The following TRIM16 variants were observed in gnomAD, a reference collection of about 807,000 sequenced individuals.
The protein encoded by TRIM16 is tripartite motif containing 16.
A neutral mutation model predicts 50.4 loss-of-function variants in TRIM16; 33 were observed. The observed-to-expected ratio is 0.65, with a 90% CI of 0.50 to 0.88. The LOEUF is 0.88. Ranked by LOEUF, TRIM16 falls within the 40% of genes least tolerant of loss-of-function variation. TRIM16 has a pLI of 0.00. For missense variants in TRIM16, 581 were observed against 686.8 expected (o/e 0.85, Z 1.72); for synonymous variants, 229 against 270.7 (o/e 0.85, Z 1.51).
At chr17:15,667,710 A>G (rs1988558030) in intron 6 of TRIM16, among the ~76,000 whole-genome samples, 1 of 152,182 alleles carries the variant, frequency 6.6e-6, no homozygotes, top group African/African-American at 2.4e-5. Flanking sequence ...TCTTTTTTAA[A>G]GAGTTCCTAT....
At position 15,640,972 on chromosome 17, in the gene TRIM16, G is replaced by A. The variant is rs1229663372; in HGVS notation, c.615+1749C>T. On this transcript the variant is annotated intron_variant, in intron 8 of 11. Coordinates refer to ENST00000649191, the MANE Select transcript of TRIM16 (RefSeq NM_001348119.1). Reference sequence around the variant, plus strand: ...AGAATCCTGTCTACAATTATGACCTGTAAGTTCCTCATAGAAGCACGATAC... The same window carrying A: ...AGAATCCTGTCTACAATTATGACCTATAAGTTCCTCATAGAAGCACGATAC... Among the ~76,000 whole-genome samples the A allele has an allele frequency of 3.4e-5, 5 of 148,222 alleles. 1 individual carries two copies. Among genetic ancestry groups the A allele is most frequent in the Non-Finnish European group, 7.5e-5 (5 of 67,010 alleles).
intron 7 of TRIM16, among the ~76,000 whole-genome samples, chr17:15,643,959 C>T (rs1009571615): frequency 5.9e-5 from 9 of 151,956 alleles, no homozygotes; most frequent in Non-Finnish European, 1.2e-4. Flanking sequence ...ATAACTAAAA[C>T]GTGTGGGTTT....
intron 7 of TRIM16, 101 bp from the exon 8 acceptor site, chr17:15,642,917 A>G (rs1356307481): frequency 1.5e-5 from 6 of 405,474 alleles, no homozygotes; most frequent in Non-Finnish European, 1.9e-5. Flanking sequence ...CTTCCCTGGA[A>G]AGAAGTTTAA....
At position 15,677,209 on chromosome 17, in the gene TRIM16, G is replaced by C. The variant is rs548831016; in HGVS notation, c.-371C>G. ...CTGCTTCTTGGCACCTCTCCCTCCT[G>C]CATTTGTGTTCGTGGGCTTACCACT... On this transcript the variant is annotated 5_prime_UTR_variant, in exon 6 of 12. Coordinates refer to ENST00000649191, the MANE Select transcript of TRIM16 (RefSeq NM_001348119.1). 1 of 985,374 alleles carries C rather than the reference G, an allele frequency of 1.0e-6. No individual in the cohort carries two copies. Among genetic ancestry groups the C allele is most frequent in the African/African-American group, 1.7e-5 (1 of 57,320 alleles). 61.0% of individuals were successfully genotyped at this position (985,374 alleles called of 1,614,324 possible).
chr17:15,682,593 G>A (rs1171017751), intron 3 of TRIM16, among the ~76,000 whole-genome samples: 1 of 152,216 alleles, frequency 6.6e-6, no homozygotes, highest in Non-Finnish European at 1.5e-5. Context: ...CCCTGGGGAC[G>A]CAGGCCCCAG....
intron 7 of TRIM16, among the ~76,000 whole-genome samples, chr17:15,644,875 G>GC (rs1427261430): frequency 6.6e-6 from 1 of 151,812 alleles, no homozygotes; most frequent in African/African-American, 2.4e-5. Context: ...GAGTGCAATG[G>GC]TGCAATCTTG....
intron 7 of TRIM16, among the ~76,000 whole-genome samples, chr17:15,646,721 T>G (rs187479134): frequency 9.6e-4 from 146 of 151,574 alleles, no homozygotes; most frequent in African/African-American, 3.5e-3. Context: ...AATCCCAGAC[T>G]GTGCCAGTTC....
At chr17:15,654,465 C>T (rs892123055) in intron 6 of TRIM16, 4 of 152,096 alleles carry the variant, frequency 2.6e-5, no homozygotes, top group African/African-American at 9.7e-5. Flanking sequence ...AATTAAAGAA[C>T]GTGTAAGCAA....
At chr17:15,661,943 G>T (rs1001225612) in intron 6 of TRIM16, among the ~76,000 whole-genome samples, 52 of 152,248 alleles carry the variant, frequency 3.4e-4, no homozygotes, top group African/African-American at 1.3e-3. Context: ...ACAGGCCCAG[G>T]CATCTGAATC....
chr17:15,672,864 A>T (rs1393008149), intron 6 of TRIM16, among the ~76,000 whole-genome samples: 1 of 152,184 alleles, frequency 6.6e-6, no homozygotes, highest in Non-Finnish European at 1.5e-5. Context: ...TATTTCTAGA[A>T]CTGTTCTGAT....
At chr17:15,637,884 T>C (rs1414991763) in intron 8 of TRIM16, among the ~76,000 whole-genome samples, 1 of 138,280 alleles carries the variant, frequency 7.2e-6, no homozygotes, top group Admixed American at 7.0e-5. Flanking sequence ...TGGGAGACTT[T>C]TCATTTTGTT....
rs1597603051 is a variant in TRIM16, at chr17:15,634,329, C to T, written c.850-1655G>A. Among the ~76,000 whole-genome samples, 2 of 137,090 alleles carry T rather than the reference C, an allele frequency of 1.5e-5. 1 individual carries two copies. The highest frequency in any genetic ancestry group is 5.5e-5 in the African/African-American group (2 of 36,356). 89.9% of individuals were successfully genotyped at this position (137,090 alleles called of 152,430 possible). ...GGGCGAAAAGAGCAAGACTCCGTCT[C>T]GAAAAAACAAAAAAAATTGGCCGGG... On this transcript the variant is annotated intron_variant, in intron 9 of 11. Transcript: ENST00000649191.
At chr17:15,648,791 C>T (rs1280540500) in intron 7 of TRIM16, among the ~76,000 whole-genome samples, 1 of 152,202 alleles carries the variant, frequency 6.6e-6, no homozygotes, top group Non-Finnish European at 1.5e-5. Context: ...TTTGGACAAG[C>T]CACCTAGAGT....
chr17:15,632,210 G>A (rs1434034658), intron 10 of TRIM16, among the ~76,000 whole-genome samples: 1 of 151,990 alleles, frequency 6.6e-6, no homozygotes. Flanking sequence ...CCAACATGGT[G>A]AAACCCCGTC....
intron 7 of TRIM16, among the ~76,000 whole-genome samples, chr17:15,647,255 AG>A: frequency 2.0e-5 from 3 of 151,258 alleles, no homozygotes; most frequent in Admixed American, 2.0e-4. Context: ...TACAGGCGTG[AG>A]CCACCGCGCC....
chr17:15,659,063 A>G (rs1988101439), intron 6 of TRIM16, among the ~76,000 whole-genome samples: 1 of 152,196 alleles, frequency 6.6e-6, no homozygotes, highest in Non-Finnish European at 1.5e-5. Context: ...CACTGCGTGT[A>G]CCTTCCCTTC....
chr17:15,637,495 G>A (rs1597610637), intron 8 of TRIM16, among the ~76,000 whole-genome samples: 4 of 100,950 alleles, frequency 4.0e-5, no homozygotes, highest in South Asian at 3.6e-4. Flanking sequence ...CCCTCTGCCC[G>A]GCCAGCCGCC....
chr17:15,651,520 G>A lies in TRIM16; in HGVS notation c.90C>T (p.Pro30=), dbSNP rs1987705707. The A allele has an allele frequency of 6.2e-7, 1 of 1,613,438 alleles. No individual in the cohort carries two copies. The highest frequency in any genetic ancestry group is 1.7e-5 in the Admixed American group (1 of 59,958). The change falls in exon 7 of 12, where the codon CCC becomes CCT. Residue 30 remains proline (P), a synonymous_variant. Transcript: ENST00000649191. Reference sequence around the variant, plus strand: ...GGCTGGCTGACCCAGAATCTGGGCTGGGTGACCCAGAGTCTGGGCTGAGAG... The same window carrying A: ...GGCTGGCTGACCCAGAATCTGGGCTAGGTGACCCAGAGTCTGGGCTGAGAG... ...PAPLSPDSGS[P]SPDSGSASPV...
Position 15,642,277 on chromosome 17 carries a change from A to G in TRIM16, c.615+444T>C, listed in dbSNP as rs115541272. Among the ~76,000 whole-genome samples, 3 of 148,806 alleles carry G rather than the reference A, an allele frequency of 2.0e-5. No homozygotes were observed. The South Asian group carries it at 6.6e-4, about 32-fold the overall frequency. ...GCACACCATGGCCTTCTCAAATACC[A>G]TCAGTAATCCTGAGTTCTCAACTCC... On this transcript the variant is annotated intron_variant, in intron 8 of 11. Coordinates refer to ENST00000649191, the MANE Select transcript of TRIM16 (RefSeq NM_001348119.1).
Sources: allele counts gnomAD v4.1 joint callset (sites outside exome capture counted in the v4.1 genomes callset), GRCh38; gene constraint gnomAD v4.1.1; transcripts MANE v1.5; gene names NCBI Gene and HGNC (gene_info 2026-07-23, HGNC 2026-07-21).